Variants in RFC1 observed in about 807,000 individuals in gnomAD.
RFC1 encodes replication factor C subunit 1.
RFC1 carries 37 observed loss-of-function variants against 137.4 expected under a neutral mutation model. The ratio of observed to expected loss-of-function variants is 0.27; its 90% CI spans 0.21 to 0.35. RFC1 has a LOEUF of 0.35. RFC1 is among the 10% of genes least tolerant of loss of function. The pLI, the probability that RFC1 is intolerant of heterozygous loss-of-function variation, is 1.00. For missense variants in RFC1, 1,205 were observed against 1,358.5 expected, an observed-to-expected ratio of 0.89 and a Z score of 1.78; for synonymous variants, 429 against 455.7, an observed-to-expected ratio of 0.94 and a Z score of 0.75.
At chr4:39,351,215 C>G in intron 2 of RFC1, 133 bp downstream of exon 2, 1 of 497,886 alleles carries the variant, frequency 2.0e-6, no homozygotes, top group South Asian at 3.1e-5. Flanking sequence ...TGCACCACTG[C>G]ACTACAGCCT....
chr4:39,331,384 C>T (rs546253544), intron 4 of RFC1, among the ~76,000 whole-genome samples: 3 of 152,048 alleles, frequency 2.0e-5, no homozygotes, highest in Non-Finnish European at 2.9e-5. Context: ...TACACTTAGC[C>T]GTGCTTATAA....
chr4:39,313,488 C>G (rs1319547700), intron 10 of RFC1, among the ~76,000 whole-genome samples: 2 of 152,194 alleles, frequency 1.3e-5, no homozygotes, highest in African/African-American at 4.8e-5. Context: ...GAAATGAGGT[C>G]TAATTCCCCA....
intron 14 of RFC1, among the ~76,000 whole-genome samples, 171 bp from the exon 15 acceptor site, chr4:39,305,099 C>A (rs1227592513): frequency 1.3e-5 from 2 of 152,154 alleles, no homozygotes; most frequent in African/African-American, 4.8e-5. Context: ...GTATGCCTTA[C>A]AATATTAGAA....
intron 21 of RFC1, among the ~76,000 whole-genome samples, chr4:39,299,116 G>A (rs1488716086): frequency 6.6e-6 from 1 of 152,226 alleles, no homozygotes; most frequent in Non-Finnish European, 1.5e-5. Context: ...ACAAACAATA[G>A]CATGAGCGAT....
chr4:39,309,757 C>T (rs1285019891), intron 12 of RFC1, among the ~76,000 whole-genome samples: 1 of 152,162 alleles, frequency 6.6e-6, no homozygotes, highest in Non-Finnish European at 1.5e-5. Context: ...TGGTTGTATA[C>T]TCTTGTTAAT....
Position 39,295,671 on chromosome 4 carries a change from G to T in RFC1, c.2897C>A (p.Ser966Ter), listed in dbSNP as rs1229318967. 6.2e-7 allele frequency: 1 copy of T among 1,613,612 alleles called. No individual in the cohort carries two copies. Among genetic ancestry groups the T allele is most frequent in the Non-Finnish European group, 8.5e-7 (1 of 1,179,790 alleles). Residue 966 changes from serine (S) to a stop codon, truncating the protein, a stop_gained, in exon 22 of 25, where the codon TCG becomes TAG. Coordinates refer to ENST00000349703, the MANE Select transcript of RFC1 (RefSeq NM_002913.5). LOFTEE classifies it high-confidence loss of function. ...PTFPSWLGKH[S>*]STGKHDRIVQ... ...AATACGATCATGTTTGCCTGTAGAC[G>T]AGTGCTTCCCCAGCCAGCTTGGGAA...
intron 6 of RFC1, 75 bp from the exon 7 acceptor site, chr4:39,323,492 C>A: frequency 1.6e-6 from 2 of 1,231,302 alleles, no homozygotes; most frequent in South Asian, 2.5e-5. Flanking sequence ...ATGTCTGATT[C>A]ATATATTTAG....
At chr4:39,354,806 G>T (rs1214990946) in intron 1 of RFC1, among the ~76,000 whole-genome samples, 1 of 149,148 alleles carries the variant, frequency 6.7e-6, no homozygotes, top group Admixed American at 6.6e-5. Flanking sequence ...CAACAGGCTG[G>T]ACACAGTGGC....
chr4:39,344,460 A>G (rs536536393), intron 3 of RFC1, among the ~76,000 whole-genome samples: 54 of 152,318 alleles, frequency 3.5e-4, no homozygotes, highest in African/African-American at 1.3e-3. Context: ...AAAAGAAATT[A>G]ATACAAGTAT....
intron 15 of RFC1, among the ~76,000 whole-genome samples, chr4:39,303,554 A>G (rs1450615146): frequency 6.6e-6 from 1 of 152,192 alleles, no homozygotes; most frequent in Admixed American, 6.5e-5. Flanking sequence ...CCCGGGTTCA[A>G]GCAATTCTTT....
intron 2 of RFC1, among the ~76,000 whole-genome samples, chr4:39,345,730 G>A (rs537005280): frequency 9.9e-5 from 15 of 151,922 alleles, no homozygotes; most frequent in African/African-American, 2.9e-4. Flanking sequence ...CTTTTTTCTC[G>A]TTAGATTTGG....
intron 1 of RFC1, among the ~76,000 whole-genome samples, chr4:39,353,492 C>G (rs1741316935): frequency 6.6e-6 from 1 of 151,544 alleles, no homozygotes; most frequent in African/African-American, 2.4e-5. Context: ...CAAATCCATC[C>G]TAATTAAGTC....
chr4:39,306,315 T>C (rs942109391), intron 14 of RFC1, among the ~76,000 whole-genome samples: 2 of 152,278 alleles, frequency 1.3e-5, no homozygotes, highest in Non-Finnish European at 2.9e-5. Flanking sequence ...TACATGTTTT[T>C]GTTATCTATA....
chr4:39,316,612 T>C (rs1739253012), intron 10 of RFC1, among the ~76,000 whole-genome samples: 1 of 152,232 alleles, frequency 6.6e-6, no homozygotes, highest in Non-Finnish European at 1.5e-5. Context: ...AAATTATTTA[T>C]TTAATGTCTC....
intron 12 of RFC1, 59 bp from the exon 13 acceptor site, chr4:39,309,091 C>G: frequency 6.6e-7 from 1 of 1,517,878 alleles, no homozygotes; most frequent in Non-Finnish European, 8.8e-7. Context: ...GAATTTCTAT[C>G]CTGCTAAACG....
chr4:39,309,101 G>A lies in RFC1; in HGVS notation c.1489-69C>T, dbSNP rs541721619. ...ATACAGAATTTCTATCCTGCTAAAC[G>A]TACTACAGAGAGCAATCAGAGATAT... On this transcript the variant is annotated intron_variant, in intron 12 of 24. Coordinates refer to ENST00000349703, the MANE Select transcript of RFC1 (RefSeq NM_002913.5). The A allele has an allele frequency of 4.5e-5, 66 of 1,480,836 alleles. No homozygotes were observed. The Middle Eastern group carries it at 1.1e-3, about 25-fold the overall frequency. 91.7% of individuals were successfully genotyped at this position (1,480,836 alleles called of 1,614,324 possible). A position where few individuals can be genotyped will look rare whatever the true frequency, so the allele number is the denominator to read the frequency against.
chr4:39,301,045 A>G (rs9997050), intron 19 of RFC1, among the ~76,000 whole-genome samples: 45,938 of 151,148 alleles, frequency 0.3, 7,114 homozygotes, highest in African/African-American at 0.33. Context: ...GTGTGCCAAG[A>G]TCACACCACT....
rs773390851 is a variant in RFC1, at chr4:39,308,884, G to A, written c.1637C>T (p.Thr546Ile). 4.3e-6 allele frequency: 7 copies of A among 1,614,118 alleles called. No homozygotes were observed. Among genetic ancestry groups the A allele is most frequent in the Non-Finnish European group, 4.2e-6 (5 of 1,180,010 alleles). The change falls in exon 13 of 25, where the codon ACA becomes ATA. Residue 546 changes from threonine (T) to isoleucine (I), a missense_variant. Thr to Ile is a moderately conservative substitution (Grantham distance 89). This residue lies in a region of RFC1 where 962 missense variants were observed against 1,035.3 expected (regional missense o/e 0.93). Transcript: ENST00000349703. ...DSLAKTIKKETDVFWKSLDFK... is the reference protein window; with the variant it reads ...DSLAKTIKKEIDVFWKSLDFK... Reference sequence around the variant, plus strand: ...ATCCAGGCTTTTCCAAAACACATCTGTTTCCTTTTTTATTGTCTTTGCCAA... The same window carrying A: ...ATCCAGGCTTTTCCAAAACACATCTATTTCCTTTTTTATTGTCTTTGCCAA...
chr4:39,346,032 T>G (rs1740843200), intron 2 of RFC1, among the ~76,000 whole-genome samples: 1 of 152,218 alleles, frequency 6.6e-6, no homozygotes, highest in Non-Finnish European at 1.5e-5. Flanking sequence ...ATATTATTAT[T>G]CAGCTCCATT....
Sources: allele counts gnomAD v4.1 joint callset (sites outside exome capture counted in the v4.1 genomes callset), GRCh38; gene constraint gnomAD v4.1.1; regional missense constraint gnomAD v4.1.1; transcripts MANE v1.5; gene names NCBI Gene and HGNC (gene_info 2026-07-23, HGNC 2026-07-21).